Variants in PRKCQ observed in about 807,000 individuals in gnomAD.
The protein encoded by PRKCQ is protein kinase C theta.
A neutral mutation model predicts 91.2 loss-of-function variants in PRKCQ; 41 were observed. The ratio of observed to expected loss-of-function variants is 0.45; its 90% confidence interval spans 0.35 to 0.58. The LOEUF (loss-of-function observed/expected upper bound fraction) is 0.58. PRKCQ is among the 20% of genes least tolerant of loss of function. PRKCQ has a pLI of 0.00. For synonymous variants in PRKCQ, 307 were observed against 316.9 expected, an observed-to-expected ratio of 0.97 and a Z score of 0.33; for missense variants, 673 against 896.5, an observed-to-expected ratio of 0.75 and a Z score of 3.18.
At chr10:6,425,163 C>T (rs1176469431), downstream of PRKCQ, among the ~76,000 whole-genome samples, 1 of 152,016 alleles carries the variant, frequency 6.6e-6, no homozygotes, top group African/African-American at 2.4e-5. Flanking sequence ...GGGTTCAAGT[C>T]TCCACTGGTC....
At chr10:6,496,375 G>A (rs1369583145) in intron 7 of PRKCQ, among the ~76,000 whole-genome samples, 4 of 151,952 alleles carry the variant, frequency 2.6e-5, no homozygotes, top group Non-Finnish European at 2.9e-5. Context: ...TTTGTCTTCC[G>A]ATTATACCTC....
intron 1 of PRKCQ, among the ~76,000 whole-genome samples, chr10:6,551,068 G>A (rs997937880): frequency 3.3e-5 from 5 of 151,976 alleles, no homozygotes; most frequent in Non-Finnish European, 4.4e-5. Flanking sequence ...CTTGTGCCAC[G>A]GGGGTTTGTT....
At chr10:6,456,626 G>A (rs1835022856) in intron 15 of PRKCQ, 48 bp downstream of exon 15, 7 of 1,593,690 alleles carry the variant, frequency 4.4e-6, no homozygotes, top group African/African-American at 1.3e-5. Context: ...GCAATGGCAT[G>A]TGGCCAGGGC....
the PRKCQ span, among the ~76,000 whole-genome samples, chr10:6,394,960 T>G: frequency 6.6e-6 from 1 of 151,914 alleles, no homozygotes; most frequent in Non-Finnish European, 1.5e-5. Flanking sequence ...GGGTTCACCT[T>G]GCCCGCCGCC....
In PRKCQ at chr10:6,501,225, T is replaced by C. The variant is rs750805735; in HGVS notation, c.380-2667A>G. Among the ~76,000 whole-genome samples, 20 of 151,438 alleles carry C rather than the reference T, an allele frequency of 1.3e-4. No individual in the cohort carries two copies. In the Middle Eastern group the frequency reaches 0.02, roughly 155 times the overall value. On this transcript the variant is annotated intron_variant, in intron 4 of 17. Coordinates refer to ENST00000263125, the MANE Select transcript of PRKCQ (RefSeq NM_006257.5). ...GAAAAAGAAACTGATAAATATAAAC[T>C]ACTTTTTAAAGGAATGTGTTAGGGA...
At chr10:6,426,437 CAT>C (rs557292195), downstream of PRKCQ, among the ~76,000 whole-genome samples, 19 of 152,322 alleles carry the variant, frequency 1.2e-4, no homozygotes, top group East Asian at 2.1e-3. Flanking sequence ...ATTTGGTAAA[CAT>C]GTGTGAGCAT....
At chr10:6,498,740 A>G (rs1837753207) in intron 4 of PRKCQ, among the ~76,000 whole-genome samples, 182 bp from the exon 5 acceptor site, 1 of 152,170 alleles carries the variant, frequency 6.6e-6, no homozygotes, top group Admixed American at 6.5e-5. Flanking sequence ...CTCAAATTCT[A>G]CAACACAGAT....
At chr10:6,483,682 C>A (rs1836739872) in intron 10 of PRKCQ, 82 bp from the exon 11 acceptor site, 1 of 1,501,418 alleles carries the variant, frequency 6.7e-7, no homozygotes, top group Admixed American at 1.9e-5. Context: ...GCTTTCTCTT[C>A]TACTTCCCAT....
intron 1 of PRKCQ, among the ~76,000 whole-genome samples, chr10:6,554,931 T>C (rs1435048396): frequency 6.6e-6 from 1 of 152,150 alleles, no homozygotes; most frequent in African/African-American, 2.4e-5. Flanking sequence ...ATAGACACCA[T>C]GGAACACTAT....
chr10:6,449,067 A>G (rs1016255167), intron 15 of PRKCQ, among the ~76,000 whole-genome samples: 18 of 152,238 alleles, frequency 1.2e-4, no homozygotes, highest in East Asian at 1.9e-4. Flanking sequence ...CCAGCAACGG[A>G]ACAAAGCTGG....
chr10:6,507,602 C>T, intron 3 of PRKCQ, 106 bp from the exon 4 acceptor site: 1 of 966,550 alleles, frequency 1.0e-6, no homozygotes, highest in Middle Eastern at 2.1e-4. Context: ...CCACAGAATA[C>T]AATCATTGTT....
intron 12 of PRKCQ, among the ~76,000 whole-genome samples, chr10:6,467,001 C>T (rs1177808693): frequency 1.3e-5 from 2 of 152,052 alleles, no homozygotes; most frequent in Non-Finnish European, 2.9e-5. Flanking sequence ...AATACTCCTA[C>T]CTCCTAGGGT....
At chr10:6,521,546 T>C (rs1839003217) in intron 1 of PRKCQ, among the ~76,000 whole-genome samples, 1 of 152,228 alleles carries the variant, frequency 6.6e-6, no homozygotes, top group South Asian at 2.1e-4. Flanking sequence ...GTGCTTAGAA[T>C]GGGGCTGGCT....
chr10:6,554,324 G>T (rs1437214185), intron 1 of PRKCQ, among the ~76,000 whole-genome samples: 1 of 152,184 alleles, frequency 6.6e-6, no homozygotes, highest in Non-Finnish European at 1.5e-5. Flanking sequence ...GAAAAATGGG[G>T]GTCCAAACTG....
At position 6,559,634 on chromosome 10, in the gene PRKCQ, C is replaced by T. The variant is rs546399154; in HGVS notation, c.-10+20577G>A. Among the ~76,000 whole-genome samples, 4 of 152,308 alleles carry T rather than the reference C, an allele frequency of 2.6e-5. No individual in the cohort carries two copies. The South Asian group carries it at 6.2e-4, about 24-fold the overall frequency. On this transcript the variant is annotated intron_variant, in intron 1 of 17. Coordinates refer to ENST00000263125, the MANE Select transcript of PRKCQ (RefSeq NM_006257.5). Reference sequence around the variant, plus strand: ...TCGGCCTCCCAAAGTGCTGAGATTACAGGTGTGAGCCACCGTGCCTGGCCT... The same window carrying T: ...TCGGCCTCCCAAAGTGCTGAGATTATAGGTGTGAGCCACCGTGCCTGGCCT...
intron 1 of PRKCQ, among the ~76,000 whole-genome samples, chr10:6,546,631 G>A (rs1588408528): frequency 6.6e-6 from 1 of 152,180 alleles, no homozygotes; most frequent in African/African-American, 2.4e-5. Context: ...GAGATTTTGG[G>A]CTGAGACGAT....
At chr10:6,411,698 A>G in the PRKCQ span, among the ~76,000 whole-genome samples, 1 of 152,180 alleles carries the variant, frequency 6.6e-6, no homozygotes, top group South Asian at 2.1e-4. Flanking sequence ...TGGCTGTCAA[A>G]ACCTAAAATA....
At chr10:6,507,251 T>C (rs1008626371) in intron 4 of PRKCQ, among the ~76,000 whole-genome samples, 185 bp downstream of exon 4, 1 of 152,150 alleles carries the variant, frequency 6.6e-6, no homozygotes, top group Admixed American at 6.5e-5. Flanking sequence ...TATTTCTACG[T>C]TTTTCCGGCC....
the PRKCQ span, among the ~76,000 whole-genome samples, chr10:6,413,044 C>T: frequency 6.6e-6 from 1 of 152,196 alleles, no homozygotes; most frequent in African/African-American, 2.4e-5. Flanking sequence ...GCTCCGCCTC[C>T]TGGGTTCACG....
Sources: allele counts gnomAD v4.1 joint callset (sites outside exome capture counted in the v4.1 genomes callset), GRCh38; gene constraint gnomAD v4.1.1; transcripts MANE v1.5; gene names NCBI Gene and HGNC (gene_info 2026-07-23, HGNC 2026-07-21).